The following AGBL4 variants were observed in gnomAD, a reference collection of about 807,000 sequenced individuals.
AGBL4 encodes the protein AGBL carboxypeptidase 4, also known as cytosolic carboxypeptidase 6.
In AGBL4, 58 loss-of-function variants were observed where a neutral mutation model predicts 66.4. The observed-to-expected ratio is 0.87, with a 90% CI of 0.71 to 1.09. AGBL4 has a LOEUF of 1.09. Among genes scored for constraint, AGBL4 ranks in the 50% least tolerant of loss-of-function variants. The pLI is 0.00. For missense variants in AGBL4, 579 were observed against 631.0 expected, an observed-to-expected ratio of 0.92 and a Z score of 0.88; for synonymous variants, 234 against 222.9, an observed-to-expected ratio of 1.05 and a Z score of -0.44.
intron 3 of AGBL4, among the ~76,000 whole-genome samples, chr1:49,491,849 C>T (rs1647190948): frequency 6.6e-6 from 1 of 151,878 alleles, no homozygotes; most frequent in Non-Finnish European, 1.5e-5. Flanking sequence ...TTCCAAAACC[C>T]CCAGTGGATG....
chr1:49,387,730 T>A (rs556427300), intron 3 of AGBL4, among the ~76,000 whole-genome samples: 1 of 152,192 alleles, frequency 6.6e-6, no homozygotes, highest in East Asian at 1.9e-4. Flanking sequence ...TCCTTTCTGA[T>A]ATTGATGCAT....
At chr1:49,859,517 T>C (rs1646516742) in intron 1 of AGBL4, among the ~76,000 whole-genome samples, 1 of 152,094 alleles carries the variant, frequency 6.6e-6, no homozygotes, top group African/African-American at 2.4e-5. Context: ...AAAAAAGCAT[T>C]TGACAAAATT....
At chr1:49,183,272 C>T (rs1046608216) in intron 4 of AGBL4, among the ~76,000 whole-genome samples, 9 of 152,292 alleles carry the variant, frequency 5.9e-5, no homozygotes, top group African/African-American at 2.2e-4. Flanking sequence ...CTGACCTCTA[C>T]TTTTAATTTT....
chr1:49,769,897 G>A (rs1014383212), intron 2 of AGBL4, among the ~76,000 whole-genome samples: 2 of 152,122 alleles, frequency 1.3e-5, no homozygotes, highest in African/African-American at 4.8e-5. Context: ...CAGAACATTG[G>A]TCTTGGCAAA....
intron 1 of AGBL4, among the ~76,000 whole-genome samples, chr1:49,982,047 GT>G (rs1455687205): frequency 6.6e-6 from 1 of 152,214 alleles, no homozygotes; most frequent in Non-Finnish European, 1.5e-5. Flanking sequence ...CTAAAGTACT[GT>G]TTTGTGTCCA....
chr1:49,005,675 CAT>C (rs1490321242), intron 5 of AGBL4, among the ~76,000 whole-genome samples: 1 of 152,108 alleles, frequency 6.6e-6, no homozygotes, highest in Non-Finnish European at 1.5e-5. Flanking sequence ...TAGGAAAAAA[CAT>C]AGTATATATA....
At position 49,419,905 on chromosome 1, in the gene AGBL4, T is replaced by C. The variant is rs80250131; in HGVS notation, c.283-174041A>G. ...CATAGGTGATATAAAGTCTTGCTGT[T>C]CAAAGTGTGATTCTTGAACCAACAG... On this transcript the variant is annotated intron_variant, in intron 3 of 13. Coordinates refer to ENST00000371839, the MANE Select transcript of AGBL4 (RefSeq NM_032785.4). Among the ~76,000 whole-genome samples the C allele has an allele frequency of 5.0e-3, 763 of 152,272 alleles. 3 individuals carry two copies. The highest frequency in any genetic ancestry group is 8.2e-3 in the Admixed American group (126 of 15,286).
intron 3 of AGBL4, among the ~76,000 whole-genome samples, chr1:49,388,245 A>T (rs1644776622): frequency 1.3e-5 from 2 of 152,242 alleles, no homozygotes; most frequent in South Asian, 4.1e-4. Context: ...GATAGTAAAT[A>T]GTTTAGGCTT....
chr1:49,505,306 A>G (rs72900002), intron 3 of AGBL4, among the ~76,000 whole-genome samples: 1,753 of 151,998 alleles, frequency 0.012, 38 homozygotes, highest in African/African-American at 0.031. Flanking sequence ...TTGATTGTGA[A>G]GTTACTTTAA....
intron 6 of AGBL4, among the ~76,000 whole-genome samples, chr1:48,830,853 G>T (rs879431731): frequency 6.6e-6 from 1 of 152,056 alleles, no homozygotes; most frequent in Non-Finnish European, 1.5e-5. Flanking sequence ...AAACGTAAAA[G>T]TTCATTCATC....
In AGBL4 at chr1:49,697,403, A is replaced by AGTTTG; in HGVS notation, c.191_192insCAAAC (p.Glu65LysfsTer28). Reference sequence around the variant, plus strand: ...CCGGCCTAATGAACAGATCATACTCAAACTCAGAGACCTGGTCCACCCGGC... The same window carrying AGTTTG: ...CCGGCCTAATGAACAGATCATACTCAGTTTGAACTCAGAGACCTGGTCCACCCGGC... On this transcript the variant is annotated frameshift_variant, in exon 3 of 14. Coordinates refer to ENST00000371839, the MANE Select transcript of AGBL4 (RefSeq NM_032785.4). LOFTEE classifies it high-confidence loss of function. 6.5e-7 allele frequency: 1 copy of AGTTTG among 1,535,138 alleles called. No individual in the cohort carries two copies. The highest frequency in any genetic ancestry group is 1.2e-5 in the South Asian group (1 of 82,634).
chr1:48,952,110 A>G (rs1657040010), intron 5 of AGBL4, among the ~76,000 whole-genome samples: 8 of 152,260 alleles, frequency 5.3e-5, no homozygotes, highest in Admixed American at 5.2e-4. Flanking sequence ...GTGTTTAATG[A>G]AAGTTAATAA....
At chr1:49,309,271 C>G (rs1286207989) in intron 3 of AGBL4, among the ~76,000 whole-genome samples, 3 of 151,998 alleles carry the variant, frequency 2.0e-5, no homozygotes, top group African/African-American at 7.2e-5. Context: ...TATTTGTGTA[C>G]ATGTACCTCT....
chr1:48,843,896 A>G (rs1424109261), intron 6 of AGBL4, among the ~76,000 whole-genome samples: 1 of 152,104 alleles, frequency 6.6e-6, no homozygotes, highest in Non-Finnish European at 1.5e-5. Context: ...TGAGCCTCAG[A>G]GTTCTCTTCT....
At chr1:49,469,042 C>A (rs1445398538) in intron 3 of AGBL4, among the ~76,000 whole-genome samples, 1 of 151,746 alleles carries the variant, frequency 6.6e-6, no homozygotes, top group Non-Finnish European at 1.5e-5. Context: ...AAGCTGGGTA[C>A]ACACAATTAC....
intron 4 of AGBL4, among the ~76,000 whole-genome samples, chr1:49,070,369 T>C (rs1644576491): frequency 6.6e-6 from 1 of 151,988 alleles, no homozygotes; most frequent in Non-Finnish European, 1.5e-5. Flanking sequence ...CCTGTGGGTC[T>C]GTCATAAATA....
rs34612259 is a variant in AGBL4, at chr1:49,495,546, C to CA, written c.282+201766dup. Among the ~76,000 whole-genome samples the CA allele has an allele frequency of 1.1e-3, 147 of 130,966 alleles. 1 individual carries two copies. Among genetic ancestry groups the CA allele is most frequent in the South Asian group, 5.6e-3 (23 of 4,136 alleles). The allele number at this position is 130,966 out of a possible 152,430, so 85.9% of individuals were successfully genotyped here. ...TGTGGATTTTTGATTTCAGAAGGAA[C>CA]AAAAAAAAAAACCAGGTTTGGAGAA... On this transcript the variant is annotated intron_variant, in intron 3 of 13. Transcript: ENST00000371839.
intron 3 of AGBL4, among the ~76,000 whole-genome samples, chr1:49,285,307 G>A (rs1425252077): frequency 6.6e-6 from 1 of 152,068 alleles, no homozygotes. Flanking sequence ...AAATAAAGAT[G>A]TTCTTTGAAA....
chr1:49,477,480 C>G (rs1010677800), intron 3 of AGBL4, among the ~76,000 whole-genome samples: 1 of 152,122 alleles, frequency 6.6e-6, no homozygotes, highest in Non-Finnish European at 1.5e-5. Context: ...AAGGTGGTAC[C>G]TCCATGAGGC....
Sources: allele counts gnomAD v4.1 joint callset (sites outside exome capture counted in the v4.1 genomes callset), GRCh38; gene constraint gnomAD v4.1.1; transcripts MANE v1.5; gene names NCBI Gene and HGNC (gene_info 2026-07-23, HGNC 2026-07-21).